KCNQ5: variants seen among roughly 807,000 people sequenced by gnomAD.
KCNQ5 encodes the protein potassium voltage-gated channel subfamily Q member 5, also known as potassium voltage-gated channel subfamily KQT member 5.
In KCNQ5, 30 loss-of-function variants were observed where a neutral mutation model predicts 98.2. That is an observed-to-expected ratio of 0.31 (90% CI 0.23 to 0.41). The LOEUF (loss-of-function observed/expected upper bound fraction) is 0.41. Among genes scored for constraint, KCNQ5 ranks in the 10% least tolerant of loss-of-function variants. The pLI is 1.00. For synonymous variants in KCNQ5, 458 were observed against 449.4 expected (o/e 1.02, Z -0.24); for missense variants, 835 against 1,182.5 (o/e 0.71, Z 4.31).
intron 1 of KCNQ5, among the ~76,000 whole-genome samples, chr6:72,794,180 G>A (rs1012257855): frequency 1.3e-5 from 2 of 152,088 alleles, no homozygotes; most frequent in African/African-American, 4.8e-5. Flanking sequence ...TATAGCTTTC[G>A]GGACACATCC....
chr6:72,974,591 TA>T (rs1270431656), intron 1 of KCNQ5, among the ~76,000 whole-genome samples: 2 of 152,150 alleles, frequency 1.3e-5, no homozygotes, highest in Admixed American at 6.5e-5. Flanking sequence ...CAGAGTATCC[TA>T]AAACAACCAA....
At chr6:73,107,689 G>C (rs1369325947) in intron 6 of KCNQ5, among the ~76,000 whole-genome samples, 1 of 152,164 alleles carries the variant, frequency 6.6e-6, no homozygotes, top group Non-Finnish European at 1.5e-5. Context: ...AAAGGTCAGA[G>C]ACTAAGTAGT....
intron 1 of KCNQ5, among the ~76,000 whole-genome samples, chr6:72,820,420 T>G (rs1775698917): frequency 1.3e-5 from 2 of 152,082 alleles, no homozygotes; most frequent in Non-Finnish European, 2.9e-5. Flanking sequence ...GGTGAAATAT[T>G]GAGGACACTA....
intron 10 of KCNQ5, among the ~76,000 whole-genome samples, chr6:73,162,564 G>C (rs990746342): frequency 6.6e-6 from 1 of 152,154 alleles, no homozygotes; most frequent in African/African-American, 2.4e-5. Flanking sequence ...TGTGTAGTTG[G>C]AGAACAGAGG....
chr6:72,722,503 T>C (rs1280159225), intron 1 of KCNQ5, among the ~76,000 whole-genome samples: 1 of 152,196 alleles, frequency 6.6e-6, no homozygotes, highest in East Asian at 1.9e-4. Context: ...ACAACTACCT[T>C]GGAGAAGTTT....
intron 6 of KCNQ5, among the ~76,000 whole-genome samples, chr6:73,108,210 G>A (rs1015554840): frequency 3.3e-5 from 5 of 152,122 alleles, no homozygotes; most frequent in Admixed American, 1.3e-4. Context: ...CCTGGTGCCC[G>A]CTCCATCTCT....
chr6:73,124,567 T>G, intron 9 of KCNQ5, 55 bp downstream of exon 9: 1 of 1,487,570 alleles, frequency 6.7e-7, no homozygotes, highest in Non-Finnish European at 9.4e-7. Context: ...ACCTACCAGG[T>G]GTTTTAAATG....
chr6:72,734,344 C>T (rs12175517), intron 1 of KCNQ5, among the ~76,000 whole-genome samples: 3 of 149,256 alleles, frequency 2.0e-5, no homozygotes, highest in Middle Eastern at 3.5e-3. Flanking sequence ...TTGTTTGAGA[C>T]GGAGTCTTGC....
At chr6:72,828,361 C>G (rs904086971) in intron 1 of KCNQ5, among the ~76,000 whole-genome samples, 9 of 152,056 alleles carry the variant, frequency 5.9e-5, no homozygotes, top group African/African-American at 2.2e-4. Flanking sequence ...AATCCATGAC[C>G]ATAGGATCTT....
chr6:72,702,816 A>T (rs1274564138), intron 1 of KCNQ5, among the ~76,000 whole-genome samples: 1 of 152,232 alleles, frequency 6.6e-6, no homozygotes, highest in East Asian at 1.9e-4. Flanking sequence ...AGATTCAGAT[A>T]AAAAGAAATC....
intron 1 of KCNQ5, among the ~76,000 whole-genome samples, chr6:72,974,822 C>T (rs1254936885): frequency 2.0e-5 from 3 of 151,906 alleles, no homozygotes; most frequent in African/African-American, 7.3e-5. Flanking sequence ...TCACTGCAAC[C>T]TCCGCCTCCC....
At chr6:73,112,680 G>A (rs1008284099) in intron 7 of KCNQ5, among the ~76,000 whole-genome samples, 2 of 152,218 alleles carry the variant, frequency 1.3e-5, no homozygotes, top group African/African-American at 4.8e-5. Flanking sequence ...TGTAGGTTTG[G>A]GTGGGTGGGT....
chr6:72,826,333 C>A (rs962275620), intron 1 of KCNQ5, among the ~76,000 whole-genome samples: 1 of 152,082 alleles, frequency 6.6e-6, no homozygotes, highest in Non-Finnish European at 1.5e-5. Flanking sequence ...AATTTAGAAA[C>A]AACAGTCATT....
At chr6:73,023,347 T>C (rs1278260015) in intron 2 of KCNQ5, among the ~76,000 whole-genome samples, 2 of 152,144 alleles carry the variant, frequency 1.3e-5, no homozygotes, top group Non-Finnish European at 1.5e-5. Flanking sequence ...TTTAAATATA[T>C]TACATTTGAT....
intron 1 of KCNQ5, among the ~76,000 whole-genome samples, chr6:72,941,704 C>T (rs1188737830): frequency 1.6e-4 from 2 of 12,296 alleles, no homozygotes; most frequent in African/African-American, 5.6e-4. Context: ...TTCTTTCTTT[C>T]TTTCTTTCTT....
At chr6:72,691,904 AGAATT>A (rs1476865224) in intron 1 of KCNQ5, among the ~76,000 whole-genome samples, 3 of 152,246 alleles carry the variant, frequency 2.0e-5, no homozygotes, top group Non-Finnish European at 4.4e-5. Context: ...TTGTGTCAGT[AGAATT>A]GCTTTATGCT....
intron 3 of KCNQ5, among the ~76,000 whole-genome samples, chr6:73,050,207 A>G (rs1260648935): frequency 6.6e-6 from 1 of 150,744 alleles, no homozygotes; most frequent in Non-Finnish European, 1.5e-5. Context: ...ACAGAGTAAG[A>G]CAGAGAGAGA....
intron 1 of KCNQ5, among the ~76,000 whole-genome samples, chr6:72,702,229 A>G (rs1768846956): frequency 6.6e-6 from 1 of 152,200 alleles, no homozygotes; most frequent in African/African-American, 2.4e-5. Flanking sequence ...TTACAAACAA[A>G]TGAGTTTTCA....
intron 1 of KCNQ5, among the ~76,000 whole-genome samples, chr6:72,700,259 T>C (rs964398272): frequency 6.6e-6 from 1 of 152,052 alleles, no homozygotes; most frequent in African/African-American, 2.4e-5. Flanking sequence ...TTTATCTTCA[T>C]TCAAAGAGAT....
Sources: gnomAD v4.1 joint callset for allele counts (sites outside exome capture counted in the v4.1 genomes callset) on GRCh38, gnomAD v4.1.1 for gene constraint, MANE v1.5 for transcripts, NCBI Gene and HGNC (gene_info 2026-07-23, HGNC 2026-07-21) for gene names.